The following UST variants were observed in gnomAD, a reference collection of about 807,000 sequenced individuals.
The protein encoded by UST is uronyl 2-sulfotransferase, also known as chondroitin sulfate 2-O-sulfotransferase.
A neutral mutation model predicts 45.6 loss-of-function variants in UST; 21 were observed. The ratio of observed to expected loss-of-function variants is 0.46; its 90% CI spans 0.33 to 0.66. UST has a LOEUF of 0.66. UST is among the 30% of genes least tolerant of loss of function. The pLI, the probability that UST is intolerant of heterozygous loss-of-function variation, is 0.02. For synonymous variants in UST, 215 were observed against 200.6 expected (o/e 1.07, Z -0.61); for missense variants, 463 against 512.4 (o/e 0.90, Z 0.93).
chr6:148,958,084 C>G (rs1780559998), intron 4 of UST, among the ~76,000 whole-genome samples: 1 of 152,044 alleles, frequency 6.6e-6, no homozygotes, highest in African/African-American at 2.4e-5. Flanking sequence ...TTTTTTTATT[C>G]CATTAAAGAT....
chr6:149,012,007 A>AGT (rs1457528341), intron 5 of UST, among the ~76,000 whole-genome samples: 1 of 152,250 alleles, frequency 6.6e-6, no homozygotes, highest in Non-Finnish European at 1.5e-5. Context: ...TAAACTCAGA[A>AGT]GTAGTGTAAA....
chr6:148,824,142 G>A (rs1777522641), intron 1 of UST, among the ~76,000 whole-genome samples: 1 of 152,204 alleles, frequency 6.6e-6, no homozygotes, highest in African/African-American at 2.4e-5. Context: ...GCATCTGAGT[G>A]TATTTAGCTT....
At chr6:149,031,997 G>A (rs569144621) in intron 7 of UST, among the ~76,000 whole-genome samples, 1 of 152,220 alleles carries the variant, frequency 6.6e-6, no homozygotes, top group Non-Finnish European at 1.5e-5. Context: ...CACTCAGAGT[G>A]AGGAGAGCTG....
intron 5 of UST, among the ~76,000 whole-genome samples, chr6:148,997,571 A>G (rs138723359): frequency 0.29 from 43,647 of 151,704 alleles, 6,390 homozygotes; most frequent in African/African-American, 0.36. Flanking sequence ...ATGCAGGTAC[A>G]TCTTAGGATA....
chr6:148,907,765 A>G (rs576893821), intron 2 of UST, among the ~76,000 whole-genome samples: 1 of 152,330 alleles, frequency 6.6e-6, no homozygotes, highest in South Asian at 2.1e-4. Context: ...AAAAGTGCTA[A>G]CGAATTTCAT....
At chr6:148,769,877 T>C (rs1368218415) in intron 1 of UST, among the ~76,000 whole-genome samples, 2 of 152,156 alleles carry the variant, frequency 1.3e-5, no homozygotes, top group Non-Finnish European at 2.9e-5. Flanking sequence ...GTCACTTTTT[T>C]TTTTTTATAG....
intron 7 of UST, among the ~76,000 whole-genome samples, chr6:149,022,618 AAAG>A (rs1414656679): frequency 6.6e-6 from 1 of 152,038 alleles, no homozygotes; most frequent in African/African-American, 2.4e-5. Context: ...AGAAAGAAAG[AAAG>A]AAGGAAGCAG....
At chr6:148,965,989 C>T (rs577632871) in intron 5 of UST, among the ~76,000 whole-genome samples, 35 of 150,886 alleles carry the variant, frequency 2.3e-4, no homozygotes, top group African/African-American at 8.0e-4. Context: ...TTTGGGAGGC[C>T]GAGGCAGGTG....
chr6:148,811,452 AG>A (rs930485205), intron 1 of UST, among the ~76,000 whole-genome samples: 88 of 152,362 alleles, frequency 5.8e-4, no homozygotes, highest in African/African-American at 2.0e-3. Flanking sequence ...TATAGCAAAA[AG>A]TATGGATGTC....
At chr6:148,940,171 A>T (rs1780096201) in intron 2 of UST, among the ~76,000 whole-genome samples, 1 of 152,062 alleles carries the variant, frequency 6.6e-6, no homozygotes, top group Non-Finnish European at 1.5e-5. Context: ...AGCAACGAGG[A>T]TGGGTATAAT....
chr6:148,927,254 C>T (rs1486398234), intron 2 of UST, among the ~76,000 whole-genome samples: 1 of 152,088 alleles, frequency 6.6e-6, no homozygotes. Flanking sequence ...CATAGAAATA[C>T]ATTGAAGTCT....
At chr6:148,760,188 C>T (rs185050660) in intron 1 of UST, among the ~76,000 whole-genome samples, 57 of 152,272 alleles carry the variant, frequency 3.7e-4, no homozygotes, top group Middle Eastern at 3.4e-3. Flanking sequence ...AGTGCGTTTC[C>T]TCCACCTCCG....
chr6:148,838,188 C>T (rs1047691818), intron 1 of UST, among the ~76,000 whole-genome samples: 5 of 152,058 alleles, frequency 3.3e-5, no homozygotes, highest in African/African-American at 7.2e-5. Context: ...GCCGTATGGG[C>T]GAAGGAGCCA....
chr6:148,864,293 C>A (rs1426127973), intron 1 of UST, among the ~76,000 whole-genome samples: 1 of 152,236 alleles, frequency 6.6e-6, no homozygotes, highest in Admixed American at 6.5e-5. Context: ...GGGCGTGGGA[C>A]CCTCCGAGCC....
chr6:148,767,313 T>A (rs1776341575), intron 1 of UST, among the ~76,000 whole-genome samples: 1 of 152,256 alleles, frequency 6.6e-6, no homozygotes, highest in African/African-American at 2.4e-5. Context: ...TAAGTGAGAA[T>A]CACACCCTTG....
At chr6:148,937,170 A>G (rs1780041185) in intron 2 of UST, among the ~76,000 whole-genome samples, 1 of 152,236 alleles carries the variant, frequency 6.6e-6, no homozygotes, top group African/African-American at 2.4e-5. Flanking sequence ...AGGTTTACTT[A>G]CGTTTGTGGT....
intron 5 of UST, among the ~76,000 whole-genome samples, chr6:148,968,938 A>G (rs1562316249): frequency 6.6e-6 from 1 of 152,354 alleles, no homozygotes; most frequent in East Asian, 1.9e-4. Context: ...TAAAATGTGG[A>G]AAGTAATGCA....
chr6:149,011,779 T>A (rs1775816092), intron 5 of UST, among the ~76,000 whole-genome samples: 1 of 152,310 alleles, frequency 6.6e-6, no homozygotes, highest in South Asian at 2.1e-4. Flanking sequence ...GCCACTGCAC[T>A]CCAGCCTGGG....
At chr6:149,023,138 GTGTGTGT>G (rs1354470820) in intron 7 of UST, among the ~76,000 whole-genome samples, 139 of 142,792 alleles carry the variant, frequency 9.7e-4, no homozygotes, top group Non-Finnish European at 1.7e-3. Context: ...GTGTGTGTGT[GTGTGTGT>G]GTGTGGTGTG....
Sources: gnomAD v4.1 joint callset for allele counts (sites outside exome capture counted in the v4.1 genomes callset) on GRCh38, gnomAD v4.1.1 for gene constraint, MANE v1.5 for transcripts, NCBI Gene and HGNC (gene_info 2026-07-23, HGNC 2026-07-21) for gene names.